Variants in ECT2 observed in about 807,000 individuals in gnomAD.
The protein encoded by ECT2 is protein ECT2.
In ECT2, 61 loss-of-function variants were observed where a neutral mutation model predicts 116.9. That is an observed-to-expected ratio of 0.52 (90% CI 0.42 to 0.65). The LOEUF is 0.65. Ranked by LOEUF, ECT2 falls within the 30% of genes least tolerant of loss-of-function variation. The pLI is 0.00. For missense variants in ECT2, 937 were observed against 1,078.7 expected, an observed-to-expected ratio of 0.87 and a Z score of 1.84; for synonymous variants, 358 against 346.4, an observed-to-expected ratio of 1.03 and a Z score of -0.37.
At chr3:172,763,005 T>C in intron 11 of ECT2, 33 bp downstream of exon 11, 1 of 1,599,042 alleles carries the variant, frequency 6.3e-7, no homozygotes, top group Non-Finnish European at 8.5e-7. Context: ...ATTTGTTCTG[T>C]GAGCTTGATT....
At chr3:172,772,370 G>A (rs1720818435) in intron 13 of ECT2, among the ~76,000 whole-genome samples, 1 of 151,980 alleles carries the variant, frequency 6.6e-6, no homozygotes, top group Non-Finnish European at 1.5e-5. Context: ...TTTTGTTTTT[G>A]TAATTTTAGT....
rs1454686295 is a variant in ECT2, at chr3:172,774,137, C to T, written c.1548+115C>T. The T allele has an allele frequency of 5.6e-6, 5 of 897,230 alleles. No individual in the cohort carries two copies. The East Asian group carries it at 1.0e-4, about 19-fold the overall frequency. The allele number at this position is 897,230 out of a possible 1,614,324, so 55.6% of individuals were successfully genotyped here. ...AGTTTTGTACCTAAAACTTCTTATT[C>T]CCTTATTAGTTCCTTTGAATCATTT... On this transcript the variant is annotated intron_variant, in intron 14 of 24. Coordinates refer to ENST00000392692, the MANE Select transcript of ECT2 (RefSeq NM_001258315.2).
At chr3:172,809,089 A>G (rs1192453370) in intron 22 of ECT2, among the ~76,000 whole-genome samples, 3 of 152,088 alleles carry the variant, frequency 2.0e-5, no homozygotes, top group African/African-American at 7.2e-5. Flanking sequence ...TTTTGTAGGT[A>G]TCCATCCACT....
At chr3:172,776,869 G>GTT (rs71635743) in intron 14 of ECT2, among the ~76,000 whole-genome samples, 5 of 146,568 alleles carry the variant, frequency 3.4e-5, no homozygotes, top group Non-Finnish European at 1.5e-5. Flanking sequence ...GAAAAAACGG[G>GTT]TTTGTTTTTT....
chr3:172,829,238 A>T, the ECT2 span: 5 of 298,318 alleles, frequency 1.7e-5, no homozygotes, highest in Non-Finnish European at 3.2e-5. Context: ...TCTTTATTTT[A>T]AAAAAGAAAT....
At chr3:172,805,709 C>T (rs1727554164) in intron 20 of ECT2, 22 bp from the exon 21 acceptor site, 1 of 1,607,070 alleles carries the variant, frequency 6.2e-7, no homozygotes, top group Non-Finnish European at 8.5e-7. Flanking sequence ...TTGACTGATA[C>T]TTTTTTATTT....
At chr3:172,817,071 C>T (rs1729852471) in intron 24 of ECT2, among the ~76,000 whole-genome samples, 1 of 152,004 alleles carries the variant, frequency 6.6e-6, no homozygotes, top group Admixed American at 6.6e-5. Flanking sequence ...GCACCTTATA[C>T]TTACAAAGCT....
intron 1 of ECT2, chr3:172,752,014 C>T (rs980939977): frequency 6.6e-6 from 1 of 152,106 alleles, no homozygotes; most frequent in Non-Finnish European, 1.5e-5. Flanking sequence ...TATTAATCAT[C>T]TGCTTTCGAT....
At chr3:172,772,202 A>G (rs1034650693) in intron 13 of ECT2, among the ~76,000 whole-genome samples, 12 of 149,344 alleles carry the variant, frequency 8.0e-5, no homozygotes, top group Non-Finnish European at 1.3e-4. Context: ...GGGTTTCACC[A>G]TGTTGGCCAG....
chr3:172,811,044 C>G (rs959150894), intron 22 of ECT2, among the ~76,000 whole-genome samples: 19 of 152,116 alleles, frequency 1.2e-4, no homozygotes, highest in African/African-American at 4.1e-4. Context: ...TGTGTGTTCT[C>G]AAGTCCAGCA....
intron 12 of ECT2, among the ~76,000 whole-genome samples, chr3:172,765,595 T>C (rs934585719): frequency 6.6e-6 from 1 of 152,190 alleles, no homozygotes; most frequent in Non-Finnish European, 1.5e-5. Context: ...GGATCTCTCT[T>C]AGATGATTGC....
chr3:172,796,824 G>A (rs937689706), intron 18 of ECT2, among the ~76,000 whole-genome samples: 1 of 151,862 alleles, frequency 6.6e-6, no homozygotes, highest in Admixed American at 6.6e-5. Flanking sequence ...ATGCCACCAC[G>A]CCCTGCTAAT....
At chr3:172,772,899 C>A (rs1720915436) in intron 13 of ECT2, among the ~76,000 whole-genome samples, 1 of 152,102 alleles carries the variant, frequency 6.6e-6, no homozygotes, top group African/African-American at 2.4e-5. Flanking sequence ...TGGACCTTTG[C>A]CTAAAATTAC....
intron 14 of ECT2, among the ~76,000 whole-genome samples, chr3:172,775,855 A>T (rs932689455): frequency 1.3e-5 from 2 of 151,970 alleles, no homozygotes; most frequent in African/African-American, 4.8e-5. Context: ...GCTGGTCTTG[A>T]ACTCCTGACC....
intron 14 of ECT2, among the ~76,000 whole-genome samples, chr3:172,780,703 A>G (rs1420921039): frequency 6.6e-6 from 1 of 152,118 alleles, no homozygotes; most frequent in East Asian, 1.9e-4. Context: ...ATTTCTCCAC[A>G]TTCTTTAAAA....
rs1330451424 is a variant in ECT2, at chr3:172,820,821, A to T, written c.*584A>T. Reference sequence around the variant, plus strand: ...TGTGGATTTTAAAAGATTTGCCCTCATTAACAAGAATAACATTTAAAGGAG... The same window carrying T: ...TGTGGATTTTAAAAGATTTGCCCTCTTTAACAAGAATAACATTTAAAGGAG... On this transcript the variant is annotated 3_prime_UTR_variant, in exon 25 of 25. Coordinates refer to ENST00000392692, the MANE Select transcript of ECT2 (RefSeq NM_001258315.2). 1 of 151,960 alleles carries T rather than the reference A, an allele frequency of 6.6e-6. No individual in the cohort carries two copies. The highest frequency in any genetic ancestry group is 2.4e-5 in the African/African-American group (1 of 41,434). The allele number at this position is 151,960 out of a possible 1,614,324, so 9.4% of individuals were successfully genotyped here.
chr3:172,762,359 T>C, intron 8 of ECT2, 57 bp from the exon 9 acceptor site: 1 of 1,504,404 alleles, frequency 6.6e-7, no homozygotes, highest in South Asian at 1.2e-5. Flanking sequence ...TAAATTGATA[T>C]ACCTAACACT....
chr3:172,773,807 C>T, intron 13 of ECT2, 96 bp from the exon 14 acceptor site: 1 of 1,225,686 alleles, frequency 8.2e-7, no homozygotes, highest in East Asian at 2.4e-5. Flanking sequence ...TTACTTCCTT[C>T]TCTATTAATA....
chr3:172,790,389 A>G (rs1462133269), intron 18 of ECT2, among the ~76,000 whole-genome samples: 1 of 152,246 alleles, frequency 6.6e-6, no homozygotes, highest in Non-Finnish European at 1.5e-5. Flanking sequence ...TAACCCCTGT[A>G]GGAAAGGCCT....
Sources: allele counts gnomAD v4.1 joint callset (sites outside exome capture counted in the v4.1 genomes callset), GRCh38; gene constraint gnomAD v4.1.1; transcripts MANE v1.5; gene names NCBI Gene and HGNC (gene_info 2026-07-23, HGNC 2026-07-21).